The following MALRD1 variants were observed in gnomAD, a reference collection of about 807,000 sequenced individuals.
MALRD1 encodes MAM and LDL-receptor class A domain-containing protein 1.
MALRD1 carries 247 observed loss-of-function variants against 242.1 expected under a neutral mutation model. The ratio of observed to expected loss-of-function variants is 1.02; its 90% CI spans 0.92 to 1.13. The LOEUF is 1.13. Ranked by LOEUF, MALRD1 falls within the 50% of genes most tolerant of loss-of-function variation. The probability of loss-of-function intolerance (pLI) is 0.00; values close to 1 mark genes in which losing one functional copy is unlikely to be tolerated. For synonymous variants in MALRD1, 995 were observed against 866.6 expected (o/e 1.15, Z -2.60); for missense variants, 2,989 against 2,533.1 (o/e 1.18, Z -3.86).
chr10:19,528,657 G>A (rs1023240789), intron 31 of MALRD1, among the ~76,000 whole-genome samples: 1 of 151,986 alleles, frequency 6.6e-6, no homozygotes, highest in African/African-American at 2.4e-5. Context: ...CTTTATAAAG[G>A]GGTGTTGTTG....
chr10:19,280,135 C>T lies in MALRD1; in HGVS notation c.3168C>T (p.Ile1056=). The change falls in exon 20 of 40, where the codon ATC becomes ATT. Residue 1056 remains isoleucine, a synonymous_variant. Transcript: ENST00000454679. The stretch of plus-strand genomic sequence containing the variant: ...ACAACTGCACAGACAATGAATTTAT[C>T]TGCAGGTCTGATGGTCACTGCATTG... ...PPHNCTDNEF[I]CRSDGHCIEK... The T allele has an allele frequency of 6.5e-7, 1 of 1,545,862 alleles. No individual in the cohort carries two copies. The highest frequency in any genetic ancestry group is 8.7e-7 in the Non-Finnish European group (1 of 1,145,102).
chr10:19,441,530 A>C (rs1431316732), intron 28 of MALRD1, among the ~76,000 whole-genome samples: 2 of 152,160 alleles, frequency 1.3e-5, no homozygotes. Context: ...AGGTGTGAGG[A>C]AGGGCTCCAC....
At chr10:19,380,269 C>T (rs1212286981) in intron 26 of MALRD1, among the ~76,000 whole-genome samples, 1 of 107,178 alleles carries the variant, frequency 9.3e-6, no homozygotes, top group Non-Finnish European at 1.9e-5. Flanking sequence ...GCCACTGCGG[C>T]CAGCCTTCTT....
intron 33 of MALRD1, among the ~76,000 whole-genome samples, chr10:19,570,695 T>C (rs1836487383): frequency 6.6e-6 from 1 of 152,012 alleles, no homozygotes; most frequent in South Asian, 2.1e-4. Context: ...TAGAAAATGG[T>C]AAAGAAAAGT....
intron 26 of MALRD1, among the ~76,000 whole-genome samples, chr10:19,384,670 A>G (rs1476235353): frequency 1.5e-5 from 2 of 135,732 alleles, no homozygotes; most frequent in East Asian, 4.0e-4. Flanking sequence ...TTTACTATAT[A>G]TTATATAATA....
At chr10:19,088,286 A>C (rs11008436) in intron 4 of MALRD1, 101 bp downstream of exon 4, 1 of 1,057,416 alleles carries the variant, frequency 9.5e-7, no homozygotes, top group Non-Finnish European at 1.2e-6. Context: ...CCAGTTTGCC[A>C]GGGACTGAGG....
At chr10:19,261,227 G>A (rs12259609) in intron 19 of MALRD1, among the ~76,000 whole-genome samples, 13,006 of 152,130 alleles carry the variant, frequency 0.085, 755 homozygotes, top group African/African-American at 0.16. Context: ...GATGCGAAAT[G>A]TCAGTTACTG....
chr10:19,484,296 A>G (rs1312346363), intron 29 of MALRD1, among the ~76,000 whole-genome samples: 1 of 152,204 alleles, frequency 6.6e-6, no homozygotes, highest in East Asian at 1.9e-4. Context: ...TATAAAAATA[A>G]GAAAAGTTTT....
intron 29 of MALRD1, among the ~76,000 whole-genome samples, chr10:19,485,776 T>C (rs1341108499): frequency 6.6e-6 from 1 of 152,138 alleles, no homozygotes; most frequent in Non-Finnish European, 1.5e-5. Context: ...TACCCAATAA[T>C]GGCATGTTAG....
chr10:19,155,139 T>C lies in MALRD1; in HGVS notation c.1623T>C (p.Leu541=). ...TGGCCAAGCTTGGAAGTCCTGTTCT[T>C]ACAAAATTGCTCACTGCCTCTACCC... ...PGVAKLGSPV[L]TKLLTASTPC... The change falls in exon 12 of 40, where the codon CTT becomes CTC. Residue 541 remains leucine (L), a synonymous_variant. Transcript: ENST00000454679. 2 of 1,231,584 alleles carry C rather than the reference T, an allele frequency of 1.6e-6. No individual in the cohort carries two copies. Among genetic ancestry groups the C allele is most frequent in the South Asian group, 4.1e-5 (1 of 24,314 alleles). 76.3% of individuals were successfully genotyped at this position (1,231,584 alleles called of 1,614,324 possible).
chr10:19,103,561 AAAAAT>A (rs1836352928), intron 4 of MALRD1, among the ~76,000 whole-genome samples: 1 of 146,744 alleles, frequency 6.8e-6, no homozygotes, highest in Non-Finnish European at 1.5e-5. Flanking sequence ...CAAAAAAAAA[AAAAAT>A]AAATAAAGAT....
chr10:19,635,322 A>T (rs184340003), intron 36 of MALRD1, among the ~76,000 whole-genome samples: 24 of 152,320 alleles, frequency 1.6e-4, no homozygotes, highest in Non-Finnish European at 3.4e-4. Flanking sequence ...TAAAAATAAT[A>T]AGTCAACTGA....
chr10:19,594,980 T>G (rs1178700355), intron 33 of MALRD1, among the ~76,000 whole-genome samples: 2 of 152,162 alleles, frequency 1.3e-5, no homozygotes, highest in African/African-American at 2.4e-5. Flanking sequence ...CCCAAATTAT[T>G]GAAATTAAAA....
chr10:19,662,604 G>A (rs1185597768), intron 36 of MALRD1, among the ~76,000 whole-genome samples: 1 of 152,106 alleles, frequency 6.6e-6, no homozygotes, highest in Non-Finnish European at 1.5e-5. Flanking sequence ...AAGAGTTTTA[G>A]TGATTTACTC....
In MALRD1 at chr10:19,485,915, T is replaced by A. The variant is rs1837217654; in HGVS notation, c.5030-5602T>A. ...TTAACTAAATTAGGGGTATATTCAGTTTTCATTATATTTTATAGATATTAG... is the reference window on the plus strand; with the variant it reads ...TTAACTAAATTAGGGGTATATTCAGATTTCATTATATTTTATAGATATTAG... On this transcript the variant is annotated intron_variant, in intron 29 of 39. Transcript: ENST00000454679. 2.6e-5 allele frequency among the ~76,000 whole-genome samples: 4 copies of A among 151,958 alleles called. No homozygotes were observed. The South Asian group carries it at 8.3e-4, about 32-fold the overall frequency.
rs541355264 is a variant in MALRD1 at position 19,390,428 on chromosome 10, A to G, written c.4845+819A>G. 5.3e-5 allele frequency among the ~76,000 whole-genome samples: 8 copies of G among 152,328 alleles called. No homozygotes were observed. In the East Asian group the frequency reaches 1.4e-3, roughly 26 times the overall value. ...TAATGCATTTTCTTAGTAAGGATTA[A>G]TTGGATGTTTCTGTCAGAGCTTTAA... On this transcript the variant is annotated intron_variant, in intron 28 of 39. Transcript: ENST00000454679.
rs868775737 is a variant in MALRD1, at chr10:19,196,058, C to T, written c.1952-7670C>T. Among the ~76,000 whole-genome samples the T allele has an allele frequency of 2.6e-5, 4 of 152,156 alleles. No homozygotes were observed. The South Asian group carries it at 8.3e-4, about 31-fold the overall frequency. On this transcript the variant is annotated intron_variant, in intron 14 of 39. Transcript: ENST00000454679. ...ACTTCTACCCACTTGTAAAGTCAGT[C>T]TTTTCTCCTGTACCCGAAGTAAACT...
At chr10:19,112,708 T>C (rs1836721171) in intron 5 of MALRD1, among the ~76,000 whole-genome samples, 1 of 152,150 alleles carries the variant, frequency 6.6e-6, no homozygotes, top group Non-Finnish European at 1.5e-5. Flanking sequence ...CTTTAGTTGC[T>C]AGGCAGGCTA....
intron 5 of MALRD1, among the ~76,000 whole-genome samples, chr10:19,116,453 C>G (rs1836872782): frequency 6.6e-6 from 1 of 152,256 alleles, no homozygotes; most frequent in South Asian, 2.1e-4. Context: ...TTTTAAGAGA[C>G]AGTAACTGTT....
Sources: gnomAD v4.1 joint callset for allele counts (sites outside exome capture counted in the v4.1 genomes callset) on GRCh38, gnomAD v4.1.1 for gene constraint, MANE v1.5 for transcripts, NCBI Gene and HGNC (gene_info 2026-07-23, HGNC 2026-07-21) for gene names.